Variants in ELF2 observed in about 807,000 individuals in gnomAD.
ELF2 encodes the protein ETS-related transcription factor Elf-2.
Under a neutral mutation model 54.8 loss-of-function variants are expected in ELF2, and 11 were observed. The ratio of observed to expected loss-of-function variants is 0.20; its 90% CI spans 0.13 to 0.33. The LOEUF (loss-of-function observed/expected upper bound fraction) is 0.33. ELF2 is among the 10% of genes least tolerant of loss of function. The pLI is 1.00. For missense variants in ELF2, 513 were observed against 703.0 expected, an observed-to-expected ratio of 0.73 and a Z score of 3.06; for synonymous variants, 203 against 245.1, an observed-to-expected ratio of 0.83 and a Z score of 1.61.
chr4:139,078,598 C>T (rs1336428835), intron 4 of ELF2, among the ~76,000 whole-genome samples: 21 of 145,656 alleles, frequency 1.4e-4, no homozygotes, highest in African/African-American at 3.8e-4. Context: ...TTTACACTCT[C>T]GGAGGGGGAG....
At chr4:139,112,001 T>G (rs1053620775) in intron 4 of ELF2, among the ~76,000 whole-genome samples, 2 of 152,194 alleles carry the variant, frequency 1.3e-5, no homozygotes, top group African/African-American at 2.4e-5. Flanking sequence ...AAAACTAAAT[T>G]TGTATTTTTC....
intron 4 of ELF2, among the ~76,000 whole-genome samples, chr4:139,078,387 C>T (rs1015695284): frequency 6.6e-6 from 1 of 152,068 alleles, no homozygotes; most frequent in Non-Finnish European, 1.5e-5. Flanking sequence ...CCCGATTTAC[C>T]ACTACTTATC....
rs576501816 is a variant in ELF2 at position 139,105,029 on chromosome 4, A to G, written c.238+20135T>C. Among the ~76,000 whole-genome samples, 39 of 152,330 alleles carry G rather than the reference A, an allele frequency of 2.6e-4. 2 individuals are homozygous for G. Among genetic ancestry groups the G allele is most frequent in the South Asian group, 8.3e-4 (4 of 4,824 alleles). ...AACAACGAATTGTTCACTTTCTAGGAGCCATGGCAGTAATATAGGTAATGT... is the reference window on the plus strand; with the variant it reads ...AACAACGAATTGTTCACTTTCTAGGGGCCATGGCAGTAATATAGGTAATGT... On this transcript the variant is annotated intron_variant, in intron 4 of 9. Transcript: ENST00000686138.
chr4:139,082,340 A>G (rs1731232725), intron 4 of ELF2, among the ~76,000 whole-genome samples: 1 of 152,218 alleles, frequency 6.6e-6, no homozygotes, highest in Non-Finnish European at 1.5e-5. Flanking sequence ...CCCTTAATTC[A>G]TATTGTAGTA....
At chr4:139,154,562 T>C (rs1188193053) in intron 1 of ELF2, among the ~76,000 whole-genome samples, 1 of 150,792 alleles carries the variant, frequency 6.6e-6, no homozygotes, top group Non-Finnish European at 1.5e-5. Context: ...CCAAATAAGA[T>C]AGCTACAACA....
At chr4:139,136,839 G>GT (rs1738219390) in intron 3 of ELF2, 1 of 151,908 alleles carries the variant, frequency 6.6e-6, no homozygotes, top group African/African-American at 2.4e-5. Flanking sequence ...TAATTTTTTT[G>GT]TATTTTTAGT....
At chr4:139,061,814 A>G in intron 8 of ELF2, 51 bp downstream of exon 8, 1 of 1,592,034 alleles carries the variant, frequency 6.3e-7, no homozygotes, top group Non-Finnish European at 8.6e-7. Context: ...TAATAGACAT[A>G]TAAAGAAATA....
At chr4:139,084,058 G>C in intron 4 of ELF2, 1 of 1,607,984 alleles carries the variant, frequency 6.2e-7, no homozygotes, top group East Asian at 2.2e-5. Flanking sequence ...ACTGCTACAG[G>C]GGAGTCACCC....
rs1491290515 is a variant in ELF2, at chr4:139,121,094, GAT to G, written c.238+4068_238+4069del. On this transcript the variant is annotated intron_variant, in intron 4 of 9. Transcript: ENST00000686138. ...TGCTTTGTATTTTGAATATAACACA[GAT>G]TTTTTTTTTTTTTTTTTTTTTTTTT... 2.1e-4 allele frequency among the ~76,000 whole-genome samples: 24 copies of G among 112,806 alleles called. 1 individual carries two copies. The highest frequency in any genetic ancestry group is 6.4e-4 in the African/African-American group (18 of 27,976). 74.0% of individuals were successfully genotyped at this position (112,806 alleles called of 152,430 possible).
intron 1 of ELF2, among the ~76,000 whole-genome samples, chr4:139,167,711 C>A (rs928451436): frequency 6.6e-6 from 1 of 152,032 alleles, no homozygotes; most frequent in Non-Finnish European, 1.5e-5. Context: ...TTCCTGAAGC[C>A]CTATAAGCTG....
chr4:139,068,347 T>C (rs752440732), intron 6 of ELF2, among the ~76,000 whole-genome samples: 10 of 152,182 alleles, frequency 6.6e-5, no homozygotes, highest in Admixed American at 6.5e-5. Flanking sequence ...AGTGTAGCAA[T>C]AGAAACAAAT....
intron 4 of ELF2, among the ~76,000 whole-genome samples, chr4:139,094,077 T>G (rs1446651120): frequency 6.6e-6 from 1 of 152,084 alleles, no homozygotes; most frequent in Admixed American, 6.6e-5. Context: ...TTTTTGTATT[T>G]TTAGTAGAGA....
At chr4:139,062,220 G>C in intron 7 of ELF2, 163 bp from the exon 8 acceptor site, 1 of 663,618 alleles carries the variant, frequency 1.5e-6, no homozygotes, top group Non-Finnish European at 2.4e-6. Flanking sequence ...GCCCAGGCTG[G>C]AGTGCAGTGG....
chr4:139,104,604 C>A (rs993928220), intron 4 of ELF2, among the ~76,000 whole-genome samples: 1 of 151,922 alleles, frequency 6.6e-6, no homozygotes, highest in African/African-American at 2.4e-5. Flanking sequence ...CCTAATTCCA[C>A]TCCCAAATCA....
chr4:139,115,107 C>T, intron 4 of ELF2: 3 of 1,613,940 alleles, frequency 1.9e-6, no homozygotes, highest in Non-Finnish European at 1.7e-6. Flanking sequence ...GTTCTGGGAT[C>T]TCCTCTTCCT....
At chr4:139,139,921 A>G (rs1387326993) in intron 1 of ELF2, among the ~76,000 whole-genome samples, 1 of 151,968 alleles carries the variant, frequency 6.6e-6, no homozygotes, top group South Asian at 2.1e-4. Context: ...ACTATAAAAC[A>G]ATGTTTAAGG....
chr4:139,138,091 T>C (rs1400376480), intron 2 of ELF2, among the ~76,000 whole-genome samples: 2 of 152,124 alleles, frequency 1.3e-5, no homozygotes, highest in African/African-American at 2.4e-5. Context: ...CAATTGTACA[T>C]AGGTAGTATT....
At chr4:139,119,918 C>T (rs1736143317) in intron 4 of ELF2, among the ~76,000 whole-genome samples, 1 of 152,032 alleles carries the variant, frequency 6.6e-6, no homozygotes, top group Non-Finnish European at 1.5e-5. Context: ...GGATTACAGG[C>T]GTGCACCACC....
At position 139,076,454 on chromosome 4, in the gene ELF2, C is replaced by T. The variant is rs534213347; in HGVS notation, c.239-2887G>A. Among the ~76,000 whole-genome samples the T allele has an allele frequency of 4.0e-5, 6 of 151,794 alleles. No homozygotes were observed. The South Asian group carries it at 1.2e-3, about 32-fold the overall frequency. ...ACATACACTAAGAAAAAAAAAAAAC[C>T]TTCAATTCTCCAGTTTTTAAAATTT... On this transcript the variant is annotated intron_variant, in intron 4 of 9. Transcript: ENST00000686138.
Sources: gnomAD v4.1 joint callset for allele counts (sites outside exome capture counted in the v4.1 genomes callset) on GRCh38, gnomAD v4.1.1 for gene constraint, MANE v1.5 for transcripts, NCBI Gene and HGNC (gene_info 2026-07-23, HGNC 2026-07-21) for gene names.